GALNT5: variants seen among roughly 807,000 people sequenced by gnomAD.
GALNT5 encodes the protein UDP-GalNAc:polypeptide N-acetylgalactosaminyltransferase 5.
GALNT5 carries 72 observed loss-of-function variants against 85.4 expected under a neutral mutation model. That is an observed-to-expected ratio of 0.84 (90% CI 0.70 to 1.03). The LOEUF (loss-of-function observed/expected upper bound fraction) is 1.03. GALNT5 is among the 50% of genes least tolerant of loss of function. The pLI, the probability that GALNT5 is intolerant of heterozygous loss-of-function variation, is 0.00. For synonymous variants in GALNT5, 404 were observed against 397.0 expected, an observed-to-expected ratio of 1.02 and a Z score of -0.21; for missense variants, 1,137 against 1,135.5, an observed-to-expected ratio of 1.00 and a Z score of -0.02.
chr2:157,271,764 C>T (rs1682590496), intron 1 of GALNT5, among the ~76,000 whole-genome samples: 1 of 152,126 alleles, frequency 6.6e-6, no homozygotes, highest in African/African-American at 2.4e-5. Flanking sequence ...GTGAGACATG[C>T]AGAGAAGATG....
At chr2:157,294,053 A>C (rs1011420794) in intron 3 of GALNT5, among the ~76,000 whole-genome samples, 6 of 152,240 alleles carry the variant, frequency 3.9e-5, no homozygotes, top group Non-Finnish European at 8.8e-5. Flanking sequence ...ATGCATGAAG[A>C]ATGTTTAGAA....
At position 157,318,164 on chromosome 2, in the gene GALNT5, C is replaced by T. The variant is rs1683761175; in HGVS notation, c.*6816C>T. 6.6e-6 allele frequency among the ~76,000 whole-genome samples: 1 copy of T among 152,060 alleles called. No homozygotes were observed. Among genetic ancestry groups the T allele is most frequent in the Non-Finnish European group, 1.5e-5 (1 of 67,976 alleles). ...CCTTCTCCATAATTCTCTATTATTA[C>T]TTATTTTAAATGTTTTCCCTATCAC... On this transcript the variant is annotated 3_prime_UTR_variant, in exon 10 of 10. Coordinates refer to ENST00000259056, the MANE Select transcript of GALNT5 (RefSeq NM_014568.3).
intron 3 of GALNT5, among the ~76,000 whole-genome samples, chr2:157,294,269 C>T (rs1170718473): frequency 6.6e-6 from 1 of 152,116 alleles, no homozygotes; most frequent in Non-Finnish European, 1.5e-5. Context: ...TTCCATTTTT[C>T]CCCCTGGAAT....
At chr2:157,274,930 C>A (rs573530798) in intron 1 of GALNT5, among the ~76,000 whole-genome samples, 2 of 152,156 alleles carry the variant, frequency 1.3e-5, no homozygotes, top group Non-Finnish European at 2.9e-5. Flanking sequence ...AATGGTATTG[C>A]CTAGATTTAC....
At chr2:157,285,963 T>C in intron 2 of GALNT5, 52 bp from the exon 3 acceptor site, 1 of 1,435,632 alleles carries the variant, frequency 7.0e-7, no homozygotes. Context: ...TCTGATACTA[T>C]CCGGACTTAC....
In GALNT5 at chr2:157,273,630, C is replaced by CTTTT. The variant is rs35430045; in HGVS notation, c.1455-10626_1455-10623dup. ...TTATTTGAAAACAGCATATTTCTTG[C>CTTTT]TTTTTTTTTTTTTTTTTTTTTTTTT... is the stretch of plus-strand genomic sequence containing the variant. On this transcript the variant is annotated intron_variant, in intron 1 of 9. Coordinates refer to ENST00000259056, the MANE Select transcript of GALNT5 (RefSeq NM_014568.3). Among the ~76,000 whole-genome samples the CTTTT allele has an allele frequency of 2.4e-3, 57 of 23,750 alleles. 8 individuals are homozygous for CTTTT. Among genetic ancestry groups the CTTTT allele is most frequent in the East Asian group, 0.012 (8 of 644 alleles). 15.6% of individuals were successfully genotyped at this position (23,750 alleles called of 152,430 possible).
Position 157,284,593 on chromosome 2 carries a change from G to A in GALNT5, c.1621+145G>A, listed in dbSNP as rs1413441314. ...GCTTTGTTTTACGTGGAGCCTCAGA[G>A]ACATAAGTCTAAGCATCTATGGACG... On this transcript the variant is annotated intron_variant, in intron 2 of 9. Transcript: ENST00000259056. 10 of 659,090 alleles carry A rather than the reference G, an allele frequency of 1.5e-5. No individual in the cohort carries two copies. In the East Asian group the frequency reaches 2.7e-4, roughly 18 times the overall value. The allele number at this position is 659,090 out of a possible 1,614,324, so 40.8% of individuals were successfully genotyped here. A position where few individuals can be genotyped will look rare whatever the true frequency, so the allele number is the denominator to read the frequency against.
Position 157,315,002 on chromosome 2 carries a change from C to T in GALNT5, c.*3654C>T, listed in dbSNP as rs769698590. Among the ~76,000 whole-genome samples, 69 of 152,154 alleles carry T rather than the reference C, an allele frequency of 4.5e-4. No individual in the cohort carries two copies. The highest frequency in any genetic ancestry group is 2.6e-3 in the Admixed American group (40 of 15,280). Reference sequence around the variant, plus strand: ...CTGAAGCAGGAGAATTGCTTGTACCCGGGAGGTGGAGGTTGCAGTGAGCTG... The same window carrying T: ...CTGAAGCAGGAGAATTGCTTGTACCTGGGAGGTGGAGGTTGCAGTGAGCTG... On this transcript the variant is annotated 3_prime_UTR_variant, in exon 10 of 10. Transcript: ENST00000259056.
chr2:157,284,283 T>A lies in GALNT5; in HGVS notation c.1456T>A (p.Cys486Ser), dbSNP rs769504678. Reference protein sequence around the residue: ...RAIEDTRPAGCAEQLVHNNLP... With the variant: ...RAIEDTRPAGSAEQLVHNNLP... ...TGCTCTGCTTATATTCTGGCCCAGA[T>A]GTGCAGAGCAGCTAGTTCACAATAA... The change falls in exon 2 of 10, where the codon TGT becomes AGT. Residue 486 changes from cysteine to serine, a missense_variant and splice_region_variant. Coordinates refer to ENST00000259056, the MANE Select transcript of GALNT5 (RefSeq NM_014568.3). 7 of 1,613,582 alleles carry A rather than the reference T, an allele frequency of 4.3e-6. No individual in the cohort carries two copies. Among genetic ancestry groups the A allele is most frequent in the Non-Finnish European group, 5.9e-6 (7 of 1,179,600 alleles).
chr2:157,259,076 A>C lies in GALNT5; in HGVS notation c.994A>C (p.Lys332Gln), dbSNP rs1301572946. The change falls in exon 1 of 10, where the codon AAG (lysine) becomes CAG (glutamine). Residue 332 changes from lysine to glutamine, a missense_variant. Lys to Gln is a moderately conservative substitution (Grantham distance 53, BLOSUM62 1). Transcript: ENST00000259056. ...GATTATAACCAAAGAGGAAGAGCAAAAGGCAGACCCCAAAGAGGTCTCTAA... is the reference window on the plus strand; with the variant it reads ...GATTATAACCAAAGAGGAAGAGCAACAGGCAGACCCCAAAGAGGTCTCTAA... ...LVIITKEEEQ[K>Q]ADPKEVSNSK... is the part of the protein sequence containing the mutation. The C allele has an allele frequency of 1.3e-5, 19 of 1,480,106 alleles. No homozygotes were observed. Among genetic ancestry groups the C allele is most frequent in the Non-Finnish European group, 1.6e-5 (18 of 1,114,180 alleles). The allele number at this position is 1,480,106 out of a possible 1,614,324, so 91.7% of individuals were successfully genotyped here. A position where few individuals can be genotyped will look rare whatever the true frequency, so the allele number is the denominator to read the frequency against.
At chr2:157,280,239 G>A (rs1682827046) in intron 1 of GALNT5, among the ~76,000 whole-genome samples, 1 of 152,230 alleles carries the variant, frequency 6.6e-6, no homozygotes, top group Non-Finnish European at 1.5e-5. Flanking sequence ...TGAAGCAAGA[G>A]ATGTGATGAA....
chr2:157,292,874 T>G (rs1683130725), intron 3 of GALNT5, among the ~76,000 whole-genome samples: 3 of 152,096 alleles, frequency 2.0e-5, no homozygotes, highest in African/African-American at 7.2e-5. Context: ...CGATTGATTT[T>G]TGTATTTTTA....
In GALNT5 at chr2:157,300,980, T is replaced by C. The variant is rs770873220; in HGVS notation, c.2420T>C (p.Ile807Thr). 6.2e-7 allele frequency: 1 copy of C among 1,612,640 alleles called. No individual in the cohort carries two copies. The highest frequency in any genetic ancestry group is 1.7e-5 in the Admixed American group (1 of 60,004). The change falls in exon 7 of 10, where the codon ATT (isoleucine) becomes ACT (threonine). Residue 807 changes from isoleucine to threonine, a missense_variant. Ile to Thr is a moderately conservative substitution (Grantham distance 89, BLOSUM62 -1). Transcript: ENST00000259056. ...ENVFPDLRAPIVRASGVLINV... is the reference protein window; with the variant it reads ...ENVFPDLRAPTVRASGVLINV... ...GTCTTTCCTGACTTAAGGGCTCCCA[T>C]TGTGAGAGCTAGTGGTGTGGTAAGT...
chr2:157,301,776 G>A (rs1558903423), intron 7 of GALNT5: 2 of 152,216 alleles, frequency 1.3e-5, no homozygotes, highest in Non-Finnish European at 2.9e-5. Flanking sequence ...GATTTAATTG[G>A]GGTTTGTAAA....
intron 3 of GALNT5, among the ~76,000 whole-genome samples, chr2:157,294,976 C>T (rs879369699): frequency 1.5e-4 from 18 of 117,400 alleles, no homozygotes; most frequent in Non-Finnish European, 2.5e-4. Flanking sequence ...TTTTTTTTTT[C>T]CTCCTCTAAG....
At chr2:157,281,839 C>A (rs1413745281) in intron 1 of GALNT5, among the ~76,000 whole-genome samples, 1 of 152,092 alleles carries the variant, frequency 6.6e-6, no homozygotes, top group Non-Finnish European at 1.5e-5. Context: ...GCAGAACTTG[C>A]CAATGATGAA....
chr2:157,285,720 G>A (rs1682956242), intron 2 of GALNT5, among the ~76,000 whole-genome samples: 1 of 152,108 alleles, frequency 6.6e-6, no homozygotes, highest in Admixed American at 6.6e-5. Flanking sequence ...ATATTTTAAG[G>A]CAAATCTGCC....
Position 157,286,152 on chromosome 2 carries a change from T to G in GALNT5, c.1741+18T>G. On this transcript the variant is annotated intron_variant, in intron 3 of 9. Coordinates refer to ENST00000259056, the MANE Select transcript of GALNT5 (RefSeq NM_014568.3). Reference sequence around the variant, plus strand: ...TGCAACAGGTAAGAAGTTACTCATTTTTTTGTTTGTTACATTTTTATTTTA... The same window carrying G: ...TGCAACAGGTAAGAAGTTACTCATTGTTTTGTTTGTTACATTTTTATTTTA... 6.3e-7 allele frequency: 1 copy of G among 1,597,776 alleles called. No individual in the cohort carries two copies. The highest frequency in any genetic ancestry group is 8.5e-7 in the Non-Finnish European group (1 of 1,171,672).
chr2:157,288,086 C>T (rs145514346), intron 3 of GALNT5, among the ~76,000 whole-genome samples: 60 of 152,332 alleles, frequency 3.9e-4, no homozygotes, highest in African/African-American at 1.4e-3. Context: ...CATTTAGCCA[C>T]CACTCTGGCC....
Sources: allele counts gnomAD v4.1 joint callset (sites outside exome capture counted in the v4.1 genomes callset), GRCh38; gene constraint gnomAD v4.1.1; transcripts MANE v1.5; gene names NCBI Gene and HGNC (gene_info 2026-07-23, HGNC 2026-07-21).